Variants in MTUS2 observed in about 807,000 individuals in gnomAD.
The protein encoded by MTUS2 is microtubule associated scaffold protein 2, also known as microtubule-associated tumor suppressor candidate 2.
MTUS2 carries 40 observed loss-of-function variants against 114.1 expected under a neutral mutation model. The ratio of observed to expected loss-of-function variants is 0.35; its 90% CI spans 0.27 to 0.46. The LOEUF is 0.46. MTUS2 is among the 20% of genes least tolerant of loss of function. The pLI is 1.00. For missense variants in MTUS2, 1,679 were observed against 1,705.4 expected, an observed-to-expected ratio of 0.98 and a Z score of 0.27; for synonymous variants, 688 against 672.0, an observed-to-expected ratio of 1.02 and a Z score of -0.37.
rs1886563347 is a variant in MTUS2 at position 29,026,570 on chromosome 13, G to A, written c.1872G>A (p.Glu624=). 3 of 1,613,904 alleles carry A rather than the reference G, an allele frequency of 1.9e-6. No individual in the cohort carries two copies. The East Asian group carries it at 6.7e-5, about 36-fold the overall frequency. Residue 624 remains glutamate, a synonymous_variant, in exon 3 of 16, where the codon GAG becomes GAA. Transcript: ENST00000612955. ...AGAACTATCAGGTTGAAAAAACAGAGGAGAGGACAGAAACTAAGCCCATCA... is the reference window on the plus strand; with the variant it reads ...AGAACTATCAGGTTGAAAAAACAGAAGAGAGGACAGAAACTAAGCCCATCA... ...GMENYQVEKT[E]ERTETKPIIM... is the part of the protein sequence containing the mutation.
In MTUS2 at chr13:29,503,095, C is replaced by T. The variant is rs1883010612; in HGVS notation, c.3999C>T (p.Leu1333=). 4 of 1,614,246 alleles carry T rather than the reference C, an allele frequency of 2.5e-6. No homozygotes were observed. Among genetic ancestry groups the T allele is most frequent in the Non-Finnish European group, 2.5e-6 (3 of 1,180,046 alleles). ...CCAATGAAGAGCTGCTTTGGAAGCT[C>T]CAAACTGGGGACCCGACCAGTCCGA... ...SRTNEELLWK[L]QTGDPTSPIK... Residue 1333 remains leucine (L), a synonymous_variant, in exon 16 of 16, where the codon CTC becomes CTT. Coordinates refer to ENST00000612955, the MANE Select transcript of MTUS2 (RefSeq NM_001033602.4).
intron 7 of MTUS2, among the ~76,000 whole-genome samples, chr13:29,345,936 A>G (rs1052069517): frequency 2.0e-5 from 3 of 152,158 alleles, no homozygotes; most frequent in Non-Finnish European, 4.4e-5. Context: ...TTCTGGGTCT[A>G]GCCACCTAGC....
chr13:29,157,787 T>TAG (rs1202073599), intron 5 of MTUS2, among the ~76,000 whole-genome samples: 5 of 151,694 alleles, frequency 3.3e-5, no homozygotes, highest in African/African-American at 4.8e-5. Context: ...GATATATATA[T>TAG]ATAGATAGAT....
intron 2 of MTUS2, among the ~76,000 whole-genome samples, chr13:28,897,529 C>G (rs1879350593): frequency 6.6e-6 from 1 of 152,048 alleles, no homozygotes; most frequent in Non-Finnish European, 1.5e-5. Flanking sequence ...ACCATTTGAC[C>G]CAGCCATCCC....
Position 29,024,729 on chromosome 13 carries a change from T to C in MTUS2, c.31T>C (p.Cys11Arg), listed in dbSNP as rs2138477429. The change falls in exon 3 of 16, where the codon TGT becomes CGT. Residue 11 changes from cysteine to arginine, a missense_variant. Physicochemically the swap from Cys to Arg is radical, Grantham distance 180 (BLOSUM62 -3). Around this residue, in one of 3 missense-constraint regions of MTUS2, gnomAD observed 843 missense variants for 770.8 expected, o/e 1.09. Coordinates refer to ENST00000612955, the MANE Select transcript of MTUS2 (RefSeq NM_001033602.4). The stretch of plus-strand genomic sequence containing the variant: ...CGTCCCAGTGGCTCCTAAGAAATCA[T>C]GTTACACTCAGTTGCGGGACAACAG... MSVPVAPKKS[C>R]YTQLRDNRNA... 2 of 1,613,996 alleles carry C rather than the reference T, an allele frequency of 1.2e-6. No homozygotes were observed. Among genetic ancestry groups the C allele is most frequent in the South Asian group, 2.2e-5 (2 of 91,082 alleles).
At chr13:29,259,985 G>A (rs891020069) in intron 5 of MTUS2, among the ~76,000 whole-genome samples, 3 of 152,228 alleles carry the variant, frequency 2.0e-5, no homozygotes, top group Admixed American at 6.5e-5. Flanking sequence ...CATGGTGCCC[G>A]GTGACCATGG....
At chr13:29,166,051 T>A (rs952123556) in intron 5 of MTUS2, among the ~76,000 whole-genome samples, 4 of 152,088 alleles carry the variant, frequency 2.6e-5, no homozygotes, top group Admixed American at 1.3e-4. Context: ...TGTAACTTGA[T>A]TGTGGTGGTG....
chr13:29,052,957 G>A (rs575114183), intron 4 of MTUS2, among the ~76,000 whole-genome samples: 2 of 152,216 alleles, frequency 1.3e-5, no homozygotes, highest in East Asian at 1.9e-4. Context: ...CCCCTTCACT[G>A]GGCACTCATT....
intron 2 of MTUS2, among the ~76,000 whole-genome samples, chr13:28,933,985 G>A (rs1881759996): frequency 6.6e-6 from 1 of 152,150 alleles, no homozygotes; most frequent in Admixed American, 6.5e-5. Context: ...GGGAATGTAT[G>A]GATATAAATT....
At chr13:29,116,945 C>A (rs1483608007) in intron 5 of MTUS2, among the ~76,000 whole-genome samples, 1 of 152,144 alleles carries the variant, frequency 6.6e-6, no homozygotes, top group African/African-American at 2.4e-5. Flanking sequence ...TAACTAAAAC[C>A]ATGGATAAGG....
intron 4 of MTUS2, among the ~76,000 whole-genome samples, chr13:29,052,283 A>G (rs1027646769): frequency 1.3e-5 from 2 of 152,126 alleles, no homozygotes; most frequent in Admixed American, 1.3e-4. Context: ...GGAGTTCGAG[A>G]CCAGCCTGGC....
intron 5 of MTUS2, among the ~76,000 whole-genome samples, chr13:29,206,291 T>C (rs547673709): frequency 4.7e-4 from 72 of 152,360 alleles, no homozygotes; most frequent in African/African-American, 1.7e-3. Flanking sequence ...GAGTTTCTCA[T>C]AGATTCTGGA....
At chr13:29,304,711 C>T (rs1899361044) in intron 6 of MTUS2, among the ~76,000 whole-genome samples, 1 of 152,124 alleles carries the variant, frequency 6.6e-6, no homozygotes, top group Admixed American at 6.5e-5. Flanking sequence ...ACCCCACTGA[C>T]AATATTAGAC....
At chr13:28,999,170 G>C (rs1222342709) in intron 2 of MTUS2, among the ~76,000 whole-genome samples, 12 of 151,168 alleles carry the variant, frequency 7.9e-5, no homozygotes, top group African/African-American at 2.0e-4. Flanking sequence ...GACCCTGTTT[G>C]CCTGGGTATC....
At chr13:29,269,614 G>A (rs951849507) in intron 5 of MTUS2, among the ~76,000 whole-genome samples, 9 of 152,266 alleles carry the variant, frequency 5.9e-5, no homozygotes, top group African/African-American at 1.9e-4. Flanking sequence ...GTCGGTGAGC[G>A]TGTAAAATGG....
Position 28,895,834 on chromosome 13 carries a change from C to T in MTUS2, c.-243+55984C>T, listed in dbSNP as rs1045237719. Among the ~76,000 whole-genome samples, 6 of 152,258 alleles carry T rather than the reference C, an allele frequency of 3.9e-5. No homozygotes were observed. In the East Asian group the frequency reaches 9.7e-4, roughly 25 times the overall value. ...AGAATTCCATTTCTTAGTTGCACAG[C>T]CACATTTCACATACTCATTTGCCAA... On this transcript the variant is annotated intron_variant, in intron 2 of 15. Transcript: ENST00000612955.
chr13:29,495,714 T>G lies in MTUS2; in HGVS notation c.3580-1524T>G, dbSNP rs1490147154. On this transcript the variant is annotated intron_variant, in intron 12 of 15. Transcript: ENST00000612955. ...GGCAAAACCCCATCTCTACTAAAAA[T>G]ACAAACATTAGCTGGGTGTGGTGGT... Among the ~76,000 whole-genome samples, 7 of 151,536 alleles carry G rather than the reference T, an allele frequency of 4.6e-5. No homozygotes were observed. The East Asian group carries it at 1.2e-3, about 25-fold the overall frequency.
intron 5 of MTUS2, among the ~76,000 whole-genome samples, chr13:29,131,242 A>G (rs1319958069): frequency 6.6e-6 from 1 of 152,258 alleles, no homozygotes; most frequent in Admixed American, 6.5e-5. Context: ...TCATAGAGGT[A>G]GCTGTCATCC....
chr13:28,832,362 G>C (rs1243081654), intron 1 of MTUS2, among the ~76,000 whole-genome samples: 1 of 151,904 alleles, frequency 6.6e-6, no homozygotes, highest in Non-Finnish European at 1.5e-5. Context: ...AAGAATAGAG[G>C]GAAATTTCAG....
Sources: allele counts gnomAD v4.1 joint callset (sites outside exome capture counted in the v4.1 genomes callset), GRCh38; gene constraint gnomAD v4.1.1; regional missense constraint gnomAD v4.1.1; transcripts MANE v1.5; gene names NCBI Gene and HGNC (gene_info 2026-07-23, HGNC 2026-07-21).